The following MCTP1 variants were observed in gnomAD, a reference collection of about 807,000 sequenced individuals.
MCTP1 encodes multiple C2 and transmembrane domain containing 1, also known as multiple C2 and transmembrane domain-containing protein 1.
In MCTP1, 69 loss-of-function variants were observed where a neutral mutation model predicts 120.6. The observed-to-expected ratio is 0.57, with a 90% confidence interval of 0.47 to 0.70. MCTP1 has a LOEUF of 0.70. Among genes scored for constraint, MCTP1 ranks in the 30% least tolerant of loss-of-function variants. MCTP1 has a pLI of 0.00. For missense variants in MCTP1, 1,203 were observed against 1,248.8 expected (o/e 0.96, Z 0.55); for synonymous variants, 529 against 493.1 (o/e 1.07, Z -0.96).
intron 1 of MCTP1, among the ~76,000 whole-genome samples, chr5:95,172,714 T>C (rs1481735895): frequency 1.3e-5 from 2 of 152,204 alleles, no homozygotes; most frequent in African/African-American, 2.4e-5. Context: ...TACATATTTG[T>C]TGAATAAATT....
chr5:94,870,529 A>G (rs769953008), intron 15 of MCTP1, 38 bp from the exon 16 acceptor site: 2 of 1,375,168 alleles, frequency 1.5e-6, no homozygotes, highest in Admixed American at 1.8e-5. Flanking sequence ...GGATTAATAT[A>G]TTACAAATGT....
intron 6 of MCTP1, chr5:94,929,774 G>T: frequency 1.7e-6 from 1 of 589,358 alleles, no homozygotes; most frequent in Non-Finnish European, 2.1e-6. Flanking sequence ...TTGCGCTCTT[G>T]TAACACTAAT....
intron 19 of MCTP1, among the ~76,000 whole-genome samples, chr5:94,737,825 C>T (rs539001851): frequency 3.5e-4 from 53 of 152,226 alleles, no homozygotes; most frequent in Non-Finnish European, 6.5e-4. Context: ...TAGAGGTGTG[C>T]GCCACCACAC....
chr5:95,209,130 T>A (rs562381571), intron 1 of MCTP1, among the ~76,000 whole-genome samples: 5 of 152,306 alleles, frequency 3.3e-5, no homozygotes, highest in South Asian at 2.1e-4. Flanking sequence ...CAAAAGGGAA[T>A]TGTATCATCC....
chr5:94,780,509 T>G (rs1000495929), intron 18 of MCTP1, among the ~76,000 whole-genome samples: 9 of 152,164 alleles, frequency 5.9e-5, no homozygotes, highest in African/African-American at 1.9e-4. Flanking sequence ...CTGTCTTAAT[T>G]TAATGTCATG....
intron 1 of MCTP1, among the ~76,000 whole-genome samples, chr5:95,209,967 T>C (rs999413178): frequency 6.6e-6 from 1 of 152,226 alleles, no homozygotes; most frequent in East Asian, 1.9e-4. Flanking sequence ...TCAGTTTCCA[T>C]GTAGTTGAGC....
chr5:94,912,254 G>A (rs192199246), intron 9 of MCTP1, among the ~76,000 whole-genome samples: 128 of 151,432 alleles, frequency 8.5e-4, no homozygotes, highest in African/African-American at 2.6e-3. Context: ...GTGAAACCAC[G>A]TCTCTACTAA....
intron 9 of MCTP1, among the ~76,000 whole-genome samples, chr5:94,911,528 C>A (rs1042189522): frequency 1.3e-5 from 2 of 152,144 alleles, no homozygotes; most frequent in Non-Finnish European, 1.5e-5. Flanking sequence ...CACTCTCTCT[C>A]GCTCTGCCAT....
At chr5:94,818,445 A>C (rs574554378) in intron 17 of MCTP1, among the ~76,000 whole-genome samples, 1 of 152,228 alleles carries the variant, frequency 6.6e-6, no homozygotes, top group Non-Finnish European at 1.5e-5. Flanking sequence ...TCAGGTGATC[A>C]GCTAATTTAA....
chr5:95,183,109 T>A (rs1236780269), intron 1 of MCTP1, among the ~76,000 whole-genome samples: 1 of 151,554 alleles, frequency 6.6e-6, no homozygotes, highest in African/African-American at 2.4e-5. Flanking sequence ...AATATATCAG[T>A]GGAACAGAAT....
intron 1 of MCTP1, among the ~76,000 whole-genome samples, chr5:95,027,688 A>C (rs1839510027): frequency 6.6e-6 from 1 of 152,218 alleles, no homozygotes; most frequent in East Asian, 1.9e-4. Context: ...CACTGCTGAA[A>C]GCCTGAAGTA....
chr5:94,886,872 C>T (rs989816839), intron 12 of MCTP1, among the ~76,000 whole-genome samples: 6 of 151,508 alleles, frequency 4.0e-5, no homozygotes, highest in Middle Eastern at 3.4e-3. Context: ...TACATGTGTG[C>T]GTGTGTGTGT....
intron 3 of MCTP1, among the ~76,000 whole-genome samples, 153 bp downstream of exon 3, chr5:94,953,066 C>T (rs1485486361): frequency 6.6e-6 from 1 of 152,184 alleles, no homozygotes; most frequent in Admixed American, 6.5e-5. Context: ...TTCCCTCTAT[C>T]TCACTTCTAT....
intron 1 of MCTP1, among the ~76,000 whole-genome samples, chr5:95,187,057 TA>T (rs1749285556): frequency 6.6e-6 from 1 of 152,152 alleles, no homozygotes; most frequent in Admixed American, 6.5e-5. Flanking sequence ...CTTAAAAAAC[TA>T]AAAATAAAGC....
Position 95,238,222 on chromosome 5 carries a change from A to T in MCTP1, c.720+45634T>A, listed in dbSNP as rs117705923. 9.8e-4 allele frequency among the ~76,000 whole-genome samples: 149 copies of T among 151,804 alleles called. 1 individual carries two copies. In the East Asian group the frequency reaches 0.022, roughly 23 times the overall value. On this transcript the variant is annotated intron_variant, in intron 1 of 22. Transcript: ENST00000515393. ...AGCCTCTCCACAGTTTCTTTCTCTGACTCTCCGCTACCTGCAAGGAGGTTT... is the reference window on the plus strand; with the variant it reads ...AGCCTCTCCACAGTTTCTTTCTCTGTCTCTCCGCTACCTGCAAGGAGGTTT...
chr5:95,100,606 C>A (rs899081239), intron 1 of MCTP1, among the ~76,000 whole-genome samples: 9 of 152,004 alleles, frequency 5.9e-5, no homozygotes, highest in African/African-American at 1.9e-4. Flanking sequence ...TTAAAAATCC[C>A]AAAACTCAAG....
At chr5:94,929,516 A>C in intron 6 of MCTP1, 1 of 456,032 alleles carries the variant, frequency 2.2e-6, no homozygotes. Context: ...AAAACGAAAA[A>C]TCTGTACTCA....
At chr5:95,068,819 C>G in intron 1 of MCTP1, 1 of 1,277,194 alleles carries the variant, frequency 7.8e-7, no homozygotes, top group Non-Finnish European at 1.0e-6. Context: ...TCCAATCTTA[C>G]CATACAGGGT....
intron 10 of MCTP1, among the ~76,000 whole-genome samples, chr5:94,900,650 C>T (rs1160009457): frequency 6.6e-6 from 1 of 152,228 alleles, no homozygotes; most frequent in Non-Finnish European, 1.5e-5. Context: ...CAGATCCTTA[C>T]TTCAGAATGA....
Sources: allele counts gnomAD v4.1 joint callset (sites outside exome capture counted in the v4.1 genomes callset), GRCh38; gene constraint gnomAD v4.1.1; transcripts MANE v1.5; gene names NCBI Gene and HGNC (gene_info 2026-07-23, HGNC 2026-07-21).